Variants in KCNJ6 observed in about 807,000 individuals in gnomAD.
KCNJ6 encodes G protein-activated inward rectifier potassium channel 2.
In KCNJ6, 9 loss-of-function variants were observed where a neutral mutation model predicts 34.2. That is an observed-to-expected ratio of 0.26 (90% CI 0.16 to 0.46). The LOEUF (loss-of-function observed/expected upper bound fraction) is 0.46. Among genes scored for constraint, KCNJ6 ranks in the 20% least tolerant of loss-of-function variants. KCNJ6 has a pLI of 1.00. For missense variants in KCNJ6, 236 were observed against 531.3 expected, an observed-to-expected ratio of 0.44 and a Z score of 5.46; for synonymous variants, 196 against 207.1, an observed-to-expected ratio of 0.95 and a Z score of 0.46.
chr21:37,803,613 C>T (rs917713006), intron 2 of KCNJ6, among the ~76,000 whole-genome samples: 8 of 152,164 alleles, frequency 5.3e-5, no homozygotes, highest in Non-Finnish European at 1.0e-4. Flanking sequence ...CTGTCACTGA[C>T]CATTATTCCC....
In KCNJ6 at chr21:37,675,333, T is replaced by C. The variant is rs1229443560; in HGVS notation, c.946+38878A>G. Among the ~76,000 whole-genome samples the C allele has an allele frequency of 1.3e-5, 2 of 152,230 alleles. No homozygotes were observed. The highest frequency in any genetic ancestry group is 4.8e-5 in the African/African-American group (2 of 41,456). ...GGAAGGAATCAAGTTGGCGGGGATT[T>C]TTCCGCGAGTGGCTGCATTGGCTTT... is the stretch of plus-strand genomic sequence containing the variant. On this transcript the variant is annotated intron_variant, in intron 3 of 3. Coordinates refer to ENST00000609713, the MANE Select transcript of KCNJ6 (RefSeq NM_002240.5). This position sits in a 1 kb window ranked among gnomAD's most constrained non-coding sequence, Gnocchi z 4.2.
rs540278466 is a variant in KCNJ6, at chr21:37,667,886, T to C, written c.947-42402A>G. On this transcript the variant is annotated intron_variant, in intron 3 of 3. Coordinates refer to ENST00000609713, the MANE Select transcript of KCNJ6 (RefSeq NM_002240.5). ...CAGTTGGGCCAGAGCCTACCTCGAC[T>C]CTGGGCACAGAGAAGCAAGTGCCAC... Among the ~76,000 whole-genome samples, 26 of 148,328 alleles carry C rather than the reference T, an allele frequency of 1.8e-4. 1 individual carries two copies. The South Asian group carries it at 5.7e-3, about 32-fold the overall frequency.
At chr21:37,802,853 G>A (rs139284725) in intron 2 of KCNJ6, among the ~76,000 whole-genome samples, 2 of 152,268 alleles carry the variant, frequency 1.3e-5, no homozygotes, top group Middle Eastern at 3.4e-3. Flanking sequence ...GTGGGGAGCA[G>A]AAAGGTCAGC....
At chr21:37,733,017 G>C (rs1455068126) in intron 2 of KCNJ6, among the ~76,000 whole-genome samples, 1 of 152,172 alleles carries the variant, frequency 6.6e-6, no homozygotes, top group Non-Finnish European at 1.5e-5. Context: ...CAAGAAAACT[G>C]TTATTTCTCT....
chr21:37,902,628 T>C (rs993814497), intron 1 of KCNJ6, among the ~76,000 whole-genome samples: 45 of 152,258 alleles, frequency 3.0e-4, no homozygotes, highest in African/African-American at 1.1e-3. Context: ...GGGGATACAA[T>C]AATGTGTAGT....
chr21:37,852,840 G>A lies in KCNJ6; in HGVS notation c.-27-12131C>T, dbSNP rs571760904. Among the ~76,000 whole-genome samples, 4 of 152,022 alleles carry A rather than the reference G, an allele frequency of 2.6e-5. No individual in the cohort carries two copies. In the South Asian group the frequency reaches 8.3e-4, roughly 32 times the overall value. Reference sequence around the variant, plus strand: ...GCAAAAAATCAGCACTTATGGAGAAGAACTGGAAAAAAATTCAGAACTAAA... The same window carrying A: ...GCAAAAAATCAGCACTTATGGAGAAAAACTGGAAAAAAATTCAGAACTAAA... On this transcript the variant is annotated intron_variant, in intron 1 of 3. Transcript: ENST00000609713.
chr21:37,740,458 C>T (rs981303030), intron 2 of KCNJ6, among the ~76,000 whole-genome samples: 4 of 152,178 alleles, frequency 2.6e-5, no homozygotes, highest in Admixed American at 2.0e-4. Context: ...AACCCATTGT[C>T]GACTAGAAAA....
At chr21:37,735,094 T>C (rs2054906035) in intron 2 of KCNJ6, among the ~76,000 whole-genome samples, 1 of 152,054 alleles carries the variant, frequency 6.6e-6, no homozygotes, top group Non-Finnish European at 1.5e-5. Flanking sequence ...CCTATTGTCC[T>C]CAGCGTGCAC....
chr21:37,718,468 G>T (rs2054806194), intron 2 of KCNJ6, among the ~76,000 whole-genome samples: 1 of 152,144 alleles, frequency 6.6e-6, no homozygotes, highest in South Asian at 2.1e-4. Flanking sequence ...GAATGTCTGG[G>T]TTTAGTGTTT....
chr21:37,767,451 G>A (rs1046496851), intron 2 of KCNJ6, among the ~76,000 whole-genome samples: 1 of 152,158 alleles, frequency 6.6e-6, no homozygotes, highest in Non-Finnish European at 1.5e-5. Flanking sequence ...AGCAACCGGA[G>A]CAGTTAAGTG....
intron 1 of KCNJ6, among the ~76,000 whole-genome samples, chr21:37,868,217 C>T (rs567481348): frequency 9.2e-5 from 14 of 152,300 alleles, no homozygotes; most frequent in African/African-American, 3.4e-4. Flanking sequence ...GAGGGTAGCA[C>T]ATTCTCCTAT....
chr21:37,871,169 G>A (rs2055650153), intron 1 of KCNJ6, among the ~76,000 whole-genome samples: 1 of 152,154 alleles, frequency 6.6e-6, no homozygotes, highest in Non-Finnish European at 1.5e-5. Flanking sequence ...GAACTATCAT[G>A]GCAAATGACA....
chr21:37,786,409 C>T (rs2055192865), intron 2 of KCNJ6, among the ~76,000 whole-genome samples: 2 of 152,198 alleles, frequency 1.3e-5, no homozygotes, highest in Admixed American at 1.3e-4. Context: ...GAGTAGGCCC[C>T]TCCTCTTGGA....
rs1041202749 is a variant in KCNJ6 at position 37,618,818 on chromosome 21, T to C, written c.*6341A>G. Reference sequence around the variant, plus strand: ...TATTTTTGTGTGCCTTTAAAGTATTTTGCCTTCCTTTTCCTAGGACTCTCT... The same window carrying C: ...TATTTTTGTGTGCCTTTAAAGTATTCTGCCTTCCTTTTCCTAGGACTCTCT... On this transcript the variant is annotated 3_prime_UTR_variant, in exon 4 of 4. Transcript: ENST00000609713. 1.3e-5 allele frequency: 2 copies of C among 152,284 alleles called. No homozygotes were observed. Among genetic ancestry groups the C allele is most frequent in the Non-Finnish European group, 2.9e-5 (2 of 68,050 alleles). The allele number at this position is 152,284 out of a possible 1,614,324, so 9.4% of individuals were successfully genotyped here.
intron 1 of KCNJ6, among the ~76,000 whole-genome samples, chr21:37,858,458 A>C (rs2055576829): frequency 6.6e-6 from 1 of 151,100 alleles, no homozygotes; most frequent in Admixed American, 6.6e-5. Flanking sequence ...TTGATAGAGC[A>C]TGCTAGGTCC....
chr21:37,840,913 T>G (rs941048050), intron 1 of KCNJ6, among the ~76,000 whole-genome samples: 3 of 152,190 alleles, frequency 2.0e-5, no homozygotes, highest in Non-Finnish European at 2.9e-5. Context: ...TTAAAAAGCT[T>G]CCCATTGCTC....
chr21:37,738,240 T>C (rs1464730931), intron 2 of KCNJ6, among the ~76,000 whole-genome samples: 1 of 152,228 alleles, frequency 6.6e-6, no homozygotes, highest in Admixed American at 6.5e-5. Context: ...AAACGGCCTG[T>C]ACTTCCCTGC....
chr21:37,703,470 G>C lies in KCNJ6; in HGVS notation c.946+10741C>G, dbSNP rs549093915. 5.6e-4 allele frequency among the ~76,000 whole-genome samples: 85 copies of C among 152,328 alleles called. 5 individuals carry two copies. In the South Asian group the frequency reaches 0.013, roughly 23 times the overall value. On this transcript the variant is annotated intron_variant, in intron 3 of 3. Transcript: ENST00000609713. ...CAGGTTGCTATCTAAGGGGGAGATG[G>C]TGTTGAAAGACTGAAGAGAGGGAAG...
chr21:37,660,137 A>T (rs557345330), intron 3 of KCNJ6, among the ~76,000 whole-genome samples: 2 of 152,062 alleles, frequency 1.3e-5, no homozygotes, highest in African/African-American at 4.8e-5. Context: ...CTTGGGTGAG[A>T]CTCACGTGCA....
Sources: gnomAD v4.1 joint callset for allele counts (sites outside exome capture counted in the v4.1 genomes callset) on GRCh38, gnomAD v4.1.1 for gene constraint, Gnocchi (gnomAD v3.1) non-coding constraint, MANE v1.5 for transcripts, NCBI Gene and HGNC (gene_info 2026-07-23, HGNC 2026-07-21) for gene names.